RGS7: variants seen among roughly 807,000 people sequenced by gnomAD.
RGS7 encodes the protein regulator of G protein signaling 7, also known as regulator of G-protein signaling 7.
In RGS7, 27 loss-of-function variants were observed where a neutral mutation model predicts 81.1. The observed-to-expected ratio is 0.33, with a 90% CI of 0.25 to 0.46. The LOEUF is 0.46. Ranked by LOEUF, RGS7 falls within the 20% of genes least tolerant of loss-of-function variation. The pLI is 1.00. For synonymous variants in RGS7, 208 were observed against 207.7 expected (o/e 1.00, Z -0.01); for missense variants, 396 against 607.4 (o/e 0.65, Z 3.66).
chr1:240,917,175 A>C (rs1203876487), intron 6 of RGS7, among the ~76,000 whole-genome samples: 1 of 152,220 alleles, frequency 6.6e-6, no homozygotes, highest in Non-Finnish European at 1.5e-5. Flanking sequence ...TCAAAAGTGA[A>C]GGAAAAACAA....
chr1:241,035,478 C>T (rs1275899372), intron 3 of RGS7, among the ~76,000 whole-genome samples: 1 of 152,032 alleles, frequency 6.6e-6, no homozygotes, highest in Non-Finnish European at 1.5e-5. Context: ...GGATATAGCT[C>T]AAAATACACT....
intron 2 of RGS7, among the ~76,000 whole-genome samples, chr1:241,143,765 A>C (rs1284294718): frequency 1.3e-5 from 2 of 152,202 alleles, no homozygotes; most frequent in Non-Finnish European, 2.9e-5. Flanking sequence ...CTAGAAATTC[A>C]TATGTTGAAA....
intron 2 of RGS7, among the ~76,000 whole-genome samples, chr1:241,121,858 A>G (rs532641594): frequency 6.6e-6 from 1 of 151,550 alleles, no homozygotes; most frequent in Admixed American, 6.6e-5. Context: ...CAGGTGCGTG[A>G]TACCACACCT....
chr1:241,091,589 AT>A (rs1438770409), intron 3 of RGS7, among the ~76,000 whole-genome samples: 20 of 146,002 alleles, frequency 1.4e-4, no homozygotes, highest in South Asian at 4.3e-4. Flanking sequence ...AAATAAATAA[AT>A]AAATAAAAAA....
intron 6 of RGS7, among the ~76,000 whole-genome samples, chr1:240,898,372 G>A (rs1354899483): frequency 1.3e-5 from 2 of 152,118 alleles, no homozygotes; most frequent in African/African-American, 4.8e-5. Context: ...TAATTGTGAT[G>A]TTACGGTGTC....
intron 2 of RGS7, among the ~76,000 whole-genome samples, chr1:241,290,180 T>C (rs900494821): frequency 6.6e-6 from 1 of 152,034 alleles, no homozygotes; most frequent in African/African-American, 2.4e-5. Flanking sequence ...ATTTAGGGAG[T>C]ACATATTTAA....
At chr1:241,062,660 T>A (rs1413763497) in intron 3 of RGS7, among the ~76,000 whole-genome samples, 6 of 152,120 alleles carry the variant, frequency 3.9e-5, no homozygotes, top group African/African-American at 1.4e-4. Context: ...AAAAGAAAAA[T>A]ATACAAATGC....
chr1:240,862,923 A>G (rs1662485806), intron 9 of RGS7, among the ~76,000 whole-genome samples: 1 of 141,992 alleles, frequency 7.0e-6, no homozygotes, highest in Non-Finnish European at 1.5e-5. Context: ...TGTAAACTAA[A>G]TATGTGTGTG....
intron 3 of RGS7, among the ~76,000 whole-genome samples, chr1:241,083,236 A>G (rs12075690): frequency 0.035 from 5,201 of 148,964 alleles, 180 homozygotes; most frequent in African/African-American, 0.092. Context: ...AAAAAAAAAA[A>G]AAAAAGAAAA....
intron 4 of RGS7, among the ~76,000 whole-genome samples, chr1:240,937,461 G>A (rs1312437492): frequency 6.6e-6 from 1 of 152,118 alleles, no homozygotes; most frequent in Non-Finnish European, 1.5e-5. Context: ...GATGGTTCTA[G>A]TTCCTGGTAG....
chr1:240,979,419 C>T (rs1684605451), intron 4 of RGS7, among the ~76,000 whole-genome samples: 1 of 152,068 alleles, frequency 6.6e-6, no homozygotes, highest in South Asian at 2.1e-4. Context: ...AACTTTAAAG[C>T]ACTCCTGAAA....
At position 241,193,670 on chromosome 1, in the gene RGS7, T is replaced by C. The variant is rs188675760; in HGVS notation, c.79-94908A>G. On this transcript the variant is annotated intron_variant, in intron 2 of 18. Transcript: ENST00000440928. The stretch of plus-strand genomic sequence containing the variant: ...ACTTATACAATTTGAGAAGATTGAG[T>C]TTCATACCAAGTAGGGACAGGGTCT... 3.5e-4 allele frequency among the ~76,000 whole-genome samples: 54 copies of C among 152,168 alleles called. 2 individuals are homozygous for C. In the East Asian group the frequency reaches 5.0e-3, roughly 14 times the overall value.
intron 18 of RGS7, among the ~76,000 whole-genome samples, chr1:240,780,719 T>C (rs1408504715): frequency 6.6e-6 from 1 of 151,356 alleles, no homozygotes; most frequent in Non-Finnish European, 1.5e-5. Context: ...ATCGAGACTA[T>C]CCTGGCCAAC....
chr1:241,259,928 A>T (rs1354212047), intron 2 of RGS7, among the ~76,000 whole-genome samples: 1 of 152,040 alleles, frequency 6.6e-6, no homozygotes, highest in Non-Finnish European at 1.5e-5. Flanking sequence ...TCATTTCAGA[A>T]TCTAGCCTAG....
intron 1 of RGS7, among the ~76,000 whole-genome samples, chr1:241,356,367 G>A (rs1260560559): frequency 6.6e-6 from 1 of 152,122 alleles, no homozygotes; most frequent in Non-Finnish European, 1.5e-5. Context: ...CTCCCACACA[G>A]AGCCGGAGTA....
intron 2 of RGS7, among the ~76,000 whole-genome samples, chr1:241,259,667 A>AAAAAAAAAAAAAAAAACAAAAAAATAT: frequency 2.0e-5 from 1 of 49,146 alleles, no homozygotes; most frequent in Non-Finnish European, 3.6e-5. Flanking sequence ...AAAAAAAAAA[A>AAAAAAAAAAAAAAAAACAAAAAAATAT]ATATATATAT....
At chr1:241,131,283 T>C (rs1294191846) in intron 2 of RGS7, among the ~76,000 whole-genome samples, 2 of 152,310 alleles carry the variant, frequency 1.3e-5, no homozygotes, top group African/African-American at 2.4e-5. Context: ...TGTCTACTCA[T>C]TTACTTGAAT....
Position 240,827,864 on chromosome 1 carries a change from C to CAAA in RGS7, c.610-695_610-693dup, listed in dbSNP as rs57562408. 2.9e-3 allele frequency among the ~76,000 whole-genome samples: 153 copies of CAAA among 52,764 alleles called. 12 individuals carry two copies. Among genetic ancestry groups the CAAA allele is most frequent in the Middle Eastern group, 0.012 (1 of 86 alleles). 34.6% of individuals were successfully genotyped at this position (52,764 alleles called of 152,430 possible). ...GGGCAACAAGAGCAAAACTCCATTGCAAAAAAAAAAAAAAAAAAAAAAAAC... is the reference window on the plus strand; with the variant it reads ...GGGCAACAAGAGCAAAACTCCATTGCAAAAAAAAAAAAAAAAAAAAAAAAAAAC... On this transcript the variant is annotated intron_variant, in intron 9 of 18. Transcript: ENST00000440928.
intron 6 of RGS7, among the ~76,000 whole-genome samples, chr1:240,921,310 A>G (rs1673496049): frequency 7.0e-6 from 1 of 143,570 alleles, no homozygotes; most frequent in Admixed American, 7.2e-5. Flanking sequence ...TGTAATCAAT[A>G]AATGATTTAA....
Sources: gnomAD v4.1 joint callset for allele counts (sites outside exome capture counted in the v4.1 genomes callset) on GRCh38, gnomAD v4.1.1 for gene constraint, MANE v1.5 for transcripts, NCBI Gene and HGNC (gene_info 2026-07-23, HGNC 2026-07-21) for gene names.